SMG1: variants seen among roughly 807,000 people sequenced by gnomAD.
SMG1 encodes SMG1 nonsense mediated mRNA decay associated PI3K related kinase.
In SMG1, 22 loss-of-function variants were observed where a neutral mutation model predicts 419.9. The ratio of observed to expected loss-of-function variants is 0.05; its 90% confidence interval spans 0.04 to 0.07. The LOEUF (loss-of-function observed/expected upper bound fraction) is 0.07, where lower values mean the gene tolerates loss of function less well. SMG1 is among the 10% of genes least tolerant of loss of function. The pLI is 1.00. For synonymous variants in SMG1, 1,538 were observed against 1,553.5 expected (o/e 0.99, Z 0.23); for missense variants, 3,185 against 4,342.0 (o/e 0.73, Z 7.49).
At chr16:18,846,063 C>T (rs137928349) in intron 38 of SMG1, among the ~76,000 whole-genome samples, 4 of 152,224 alleles carry the variant, frequency 2.6e-5, no homozygotes, top group East Asian at 1.9e-4. Context: ...ATCCGCCCGC[C>T]TCAGCCTCCC....
intron 22 of SMG1, among the ~76,000 whole-genome samples, chr16:18,866,989 T>C (rs2035546743): frequency 1.3e-5 from 2 of 152,094 alleles, no homozygotes; most frequent in Admixed American, 6.5e-5. Flanking sequence ...CACATGGATG[T>C]TTGCACCCCC....
At position 18,883,114 on chromosome 16, in the gene SMG1, C is replaced by T. The variant is rs190731743; in HGVS notation, c.1120-776G>A. Among the ~76,000 whole-genome samples the T allele has an allele frequency of 7.9e-5, 12 of 152,126 alleles. No homozygotes were observed. The East Asian group carries it at 9.6e-4, about 12-fold the overall frequency. ...ACAGCTAAAGGTACTGAATTCCTGT[C>T]GACTACAAGCAGCAAAGATGAAAAA... On this transcript the variant is annotated intron_variant, in intron 9 of 62. Coordinates refer to ENST00000446231, the MANE Select transcript of SMG1 (RefSeq NM_015092.5).
rs774242811 is a variant in SMG1 at position 18,828,109 on chromosome 16, T to TGGG, written c.9660_9662dup (p.Pro3221dup). The TGGG allele has an allele frequency of 6.2e-7, 1 of 1,613,512 alleles. No homozygotes were observed. Among genetic ancestry groups the TGGG allele is most frequent in the Non-Finnish European group, 8.5e-7 (1 of 1,179,688 alleles). ...TCATGCTGGTTAGGATAGCAGACCG[T>TGGG]GGGGGAGGTGTGACTGACATGGCTT... On this transcript the variant is annotated inframe_insertion, in exon 55 of 63. Transcript: ENST00000446231.
chr16:18,814,472 C>A (rs974315064), intron 60 of SMG1, among the ~76,000 whole-genome samples: 1 of 151,950 alleles, frequency 6.6e-6, no homozygotes, highest in Admixed American at 6.6e-5. Flanking sequence ...GCACTCCAGC[C>A]TGGGCGACAA....
chr16:18,860,171 T>C (rs1020780615), intron 26 of SMG1, among the ~76,000 whole-genome samples: 13 of 152,312 alleles, frequency 8.5e-5, no homozygotes, highest in Non-Finnish European at 1.5e-4. Context: ...TGAGCCGAGA[T>C]TGCGCCACTG....
intron 1 of SMG1, chr16:18,925,162 G>C (rs1351655719): frequency 6.6e-6 from 1 of 152,116 alleles, no homozygotes; most frequent in Non-Finnish European, 1.5e-5. Context: ...CAAAAAGACA[G>C]GAAACTACAT....
At chr16:18,829,207 G>T in intron 54 of SMG1, 79 bp downstream of exon 54, 1 of 1,243,132 alleles carries the variant, frequency 8.0e-7, no homozygotes, top group Non-Finnish European at 1.1e-6. Context: ...AAATTTCTGT[G>T]TATTGTTTTA....
chr16:18,843,925 T>G (rs541925385), intron 39 of SMG1, among the ~76,000 whole-genome samples: 3 of 152,248 alleles, frequency 2.0e-5, no homozygotes, highest in East Asian at 1.9e-4. Flanking sequence ...CTGTACTATA[T>G]CTAAAAGAGA....
Position 18,835,879 on chromosome 16 carries a change from A to T in SMG1, c.8057+54T>A, listed in dbSNP as rs1596488037. The T allele has an allele frequency of 2.0e-5, 30 of 1,502,006 alleles. No individual in the cohort carries two copies. In the East Asian group the frequency reaches 7.4e-4, roughly 37 times the overall value. The allele number at this position is 1,502,006 out of a possible 1,614,324, so 93.0% of individuals were successfully genotyped here. On this transcript the variant is annotated intron_variant, in intron 48 of 62. Transcript: ENST00000446231. The stretch of plus-strand genomic sequence containing the variant: ...ATGCCACCACACTCCAGCCTGGGTG[A>T]CAGAACAAGACTCCGTCTCAAAAAT...
rs200469757 is a variant in SMG1 at position 18,884,178 on chromosome 16, T to C, written c.1022-11A>G. 18 of 1,417,886 alleles carry C rather than the reference T, an allele frequency of 1.3e-5. No homozygotes were observed. The highest frequency in any genetic ancestry group is 1.2e-4 in the South Asian group (10 of 80,736). The allele number at this position is 1,417,886 out of a possible 1,614,324, so 87.8% of individuals were successfully genotyped here. A position where few individuals can be genotyped will look rare whatever the true frequency, so the allele number is the denominator to read the frequency against. On this transcript the variant is annotated splice_polypyrimidine_tract_variant and intron_variant, in intron 8 of 62. Transcript: ENST00000446231. ...AACTCTGCAACCACCCTTGGAATCG[T>C]ATAAGAAATTGTGAAAGGGTAGGGG...
In SMG1 at chr16:18,845,704, TACAC is replaced by T. The variant is rs2034221112; in HGVS notation, c.5997-57_5997-54del. 5.2e-6 allele frequency: 7 copies of T among 1,358,904 alleles called. No individual in the cohort carries two copies. In the Admixed American group the frequency reaches 5.7e-5, roughly 11 times the overall value. 84.2% of individuals were successfully genotyped at this position (1,358,904 alleles called of 1,614,324 possible). A position where few individuals can be genotyped will look rare whatever the true frequency, so the allele number is the denominator to read the frequency against. ...AACTTAAATGTGTACATTAAAGTTTTACACAAACATGCAACAATTTCAATATATC... is the reference window on the plus strand; with the variant it reads ...AACTTAAATGTGTACATTAAAGTTTTAAACATGCAACAATTTCAATATATC... On this transcript the variant is annotated intron_variant, in intron 38 of 62. Coordinates refer to ENST00000446231, the MANE Select transcript of SMG1 (RefSeq NM_015092.5).
At chr16:18,851,963 ATTGGT>A in intron 33 of SMG1, 99 bp downstream of exon 33, 1 of 1,203,492 alleles carries the variant, frequency 8.3e-7, no homozygotes, top group Non-Finnish European at 1.1e-6. Context: ...TACAACAACA[ATTGGT>A]AAGCCCCATT....
chr16:18,913,531 G>A (rs923282873), intron 1 of SMG1, among the ~76,000 whole-genome samples: 1 of 151,848 alleles, frequency 6.6e-6, no homozygotes, highest in African/African-American at 2.4e-5. Context: ...TATCAAATGT[G>A]GACGAAAAGC....
rs770853600 is a variant in SMG1 at position 18,815,616 on chromosome 16, A to G, written c.10338T>C (p.Val3446=). 1.1e-5 allele frequency: 18 copies of G among 1,613,862 alleles called. No homozygotes were observed. The Admixed American group carries it at 1.8e-4, about 16-fold the overall frequency. The part of the protein sequence containing the change: ...EEAALADGED[V]PYENSVRQFL... ...ACTGCCTAACACTGTTCTCATAGGG[A>G]ACATCTTCACCATCTGCCAGAGCAG... The change falls in exon 59 of 63, where the codon GTT becomes GTC. Residue 3446 remains valine (V), a synonymous_variant. Transcript: ENST00000446231.
At chr16:18,837,482 G>A in intron 45 of SMG1, 39 bp from the exon 46 acceptor site, 1 of 1,539,764 alleles carries the variant, frequency 6.5e-7, no homozygotes, top group Admixed American at 1.9e-5. Context: ...CTCTTACAGG[G>A]CCAATTTTGA....
At chr16:18,870,220 A>ATTT (rs2035741700) in intron 18 of SMG1, among the ~76,000 whole-genome samples, 1 of 152,226 alleles carries the variant, frequency 6.6e-6, no homozygotes, top group Non-Finnish European at 1.5e-5. Flanking sequence ...GGCATATCAA[A>ATTT]CATGTGAAAA....
chr16:18,916,622 C>CAAAA (rs138491329), intron 1 of SMG1, among the ~76,000 whole-genome samples: 2 of 147,464 alleles, frequency 1.4e-5, no homozygotes, highest in African/African-American at 5.0e-5. Context: ...AAAACACACA[C>CAAAA]AAAAAAAAAC....
Position 18,816,455 on chromosome 16 carries a change from C to T in SMG1, c.10149G>A (p.Met3383Ile), listed in dbSNP as rs759601169. Residue 3383 changes from methionine to isoleucine, a missense_variant, in exon 58 of 63, where the codon ATG becomes ATA. This residue lies in a region of SMG1 where 737 missense variants were observed against 846.6 expected (regional missense o/e 0.87). Coordinates refer to ENST00000446231, the MANE Select transcript of SMG1 (RefSeq NM_015092.5). ...LSAHKQLTQD[M>I]STQRAIQTEK... The stretch of plus-strand genomic sequence containing the variant: ...CTGTCTGAATTGCCCTCTGAGTAGA[C>T]ATATCCTGGGTCAACTGTTTGTGTG... 4.3e-6 allele frequency: 7 copies of T among 1,613,830 alleles called. No individual in the cohort carries two copies. The highest frequency in any genetic ancestry group is 1.3e-5 in the African/African-American group (1 of 74,926).
At chr16:18,906,147 A>G (rs1310934902) in intron 1 of SMG1, among the ~76,000 whole-genome samples, 1 of 151,500 alleles carries the variant, frequency 6.6e-6, no homozygotes, top group Non-Finnish European at 1.5e-5. Flanking sequence ...AAAATATCCT[A>G]TCACCTCCCC....
Sources: allele counts gnomAD v4.1 joint callset (sites outside exome capture counted in the v4.1 genomes callset), GRCh38; gene constraint gnomAD v4.1.1; regional missense constraint gnomAD v4.1.1; transcripts MANE v1.5; gene names NCBI Gene and HGNC (gene_info 2026-07-23, HGNC 2026-07-21).